JHY: variants seen among roughly 807,000 people sequenced by gnomAD.
JHY encodes the protein jhy protein homolog.
JHY carries 69 observed loss-of-function variants against 78.0 expected under a neutral mutation model. The observed-to-expected ratio is 0.88, with a 90% CI of 0.73 to 1.08. The LOEUF (loss-of-function observed/expected upper bound fraction) is 1.08, where lower values mean the gene tolerates loss of function less well. JHY is among the 50% of genes least tolerant of loss of function. The pLI, the probability that JHY is intolerant of heterozygous loss-of-function variation, is 0.00. For missense variants in JHY, 944 were observed against 927.8 expected (o/e 1.02, Z -0.23); for synonymous variants, 368 against 342.6 (o/e 1.07, Z -0.82).
Position 122,961,069 on chromosome 11 carries a change from A to G in JHY, c.*1624A>G. ...CTAAAGCTGTTGGCAAAGAAGACTC[A>G]TGCACAGCCAGTTATGTAAATGTAT... is the stretch of plus-strand genomic sequence containing the variant. On this transcript the variant is annotated 3_prime_UTR_variant, in exon 9 of 9. Transcript: ENST00000227349. 9.6e-7 allele frequency: 1 copy of G among 1,041,960 alleles called. No homozygotes were observed. 64.5% of individuals were successfully genotyped at this position (1,041,960 alleles called of 1,614,324 possible). A position where few individuals can be genotyped will look rare whatever the true frequency, so the allele number is the denominator to read the frequency against.
At position 122,883,040 on chromosome 11, in the gene JHY, A is replaced by G. The variant is rs1209767229; in HGVS notation, c.-90+68A>G. ...CCGGGGAGGGAAACGGGAAGGGCTTACTGGGGATGGGGACGGCAGGAAACC... is the reference window on the plus strand; with the variant it reads ...CCGGGGAGGGAAACGGGAAGGGCTTGCTGGGGATGGGGACGGCAGGAAACC... On this transcript the variant is annotated intron_variant, in intron 1 of 8. Transcript: ENST00000227349. The surrounding 1 kb of genome is among the most constrained non-coding windows in gnomAD (Gnocchi z 4.4). 1 of 152,946 alleles carries G rather than the reference A, an allele frequency of 6.5e-6. No homozygotes were observed. The highest frequency in any genetic ancestry group is 1.5e-5 in the Non-Finnish European group (1 of 68,128). 9.5% of individuals were successfully genotyped at this position (152,946 alleles called of 1,614,324 possible).
intron 4 of JHY, among the ~76,000 whole-genome samples, chr11:122,928,903 C>T (rs4935823): frequency 0.23 from 35,284 of 151,810 alleles, 4,626 homozygotes; most frequent in Middle Eastern, 0.3. Flanking sequence ...CCGCCTCGGC[C>T]TCCCAAAGTG....
At chr11:122,916,221 C>T (rs986453698) in intron 3 of JHY, among the ~76,000 whole-genome samples, 2 of 152,036 alleles carry the variant, frequency 1.3e-5, no homozygotes, top group East Asian at 3.9e-4. Flanking sequence ...GATAAATACT[C>T]GAGGTGATGG....
chr11:122,923,609 A>G (rs1004288085), intron 3 of JHY, among the ~76,000 whole-genome samples: 10 of 152,236 alleles, frequency 6.6e-5, no homozygotes, highest in Non-Finnish European at 1.5e-4. Flanking sequence ...GGGCCCTTAA[A>G]TAACTTAGGA....
chr11:122,916,248 G>A (rs1273038842), intron 3 of JHY, among the ~76,000 whole-genome samples: 1 of 152,032 alleles, frequency 6.6e-6, no homozygotes, highest in Non-Finnish European at 1.5e-5. Flanking sequence ...CACATATCTT[G>A]TTCAATACAC....
At chr11:122,922,566 C>A (rs978735724) in intron 3 of JHY, among the ~76,000 whole-genome samples, 2 of 151,440 alleles carry the variant, frequency 1.3e-5, no homozygotes, top group African/African-American at 4.9e-5. Context: ...AATCCCAGCA[C>A]TTTGGAGGCC....
chr11:122,952,981 T>TA (rs899906662), intron 6 of JHY, among the ~76,000 whole-genome samples: 1 of 152,228 alleles, frequency 6.6e-6, no homozygotes, highest in African/African-American at 2.4e-5. Flanking sequence ...GTAAAGGTTT[T>TA]AAAATGTGAA....
rs1862971970 is a variant in JHY at position 122,905,600 on chromosome 11, G to A, written c.864+1156G>A. The A allele has an allele frequency of 1.1e-5, 11 of 997,146 alleles. No homozygotes were observed. In the South Asian group the frequency reaches 4.6e-4, roughly 42 times the overall value. The allele number at this position is 997,146 out of a possible 1,614,324, so 61.8% of individuals were successfully genotyped here. On this transcript the variant is annotated intron_variant, in intron 3 of 8. Coordinates refer to ENST00000227349, the MANE Select transcript of JHY (RefSeq NM_024806.4). ...AAGAATTACGTCTGGTGGCACGTTG[G>A]CTCATGCCTGTAATCCCAGCACTTT...
At chr11:122,933,580 T>C (rs900286540) in intron 4 of JHY, among the ~76,000 whole-genome samples, 5 of 152,208 alleles carry the variant, frequency 3.3e-5, no homozygotes, top group Non-Finnish European at 7.3e-5. Flanking sequence ...TTCCCCCAGA[T>C]GTTTGATTGC....
At chr11:122,897,581 G>T (rs868608326) in intron 2 of JHY, among the ~76,000 whole-genome samples, 1 of 152,354 alleles carries the variant, frequency 6.6e-6, no homozygotes, top group Middle Eastern at 3.4e-3. Context: ...AAGCACAGAA[G>T]TTAAATAACT....
At chr11:122,927,102 C>T (rs1863524328) in intron 4 of JHY, 1 of 152,164 alleles carries the variant, frequency 6.6e-6, no homozygotes, top group South Asian at 2.1e-4. Flanking sequence ...TAACTGAAAA[C>T]TTTTCCTAAT....
chr11:122,954,356 TTTG>T (rs1421577909), intron 6 of JHY, among the ~76,000 whole-genome samples: 1 of 152,054 alleles, frequency 6.6e-6, no homozygotes, highest in African/African-American at 2.4e-5. Flanking sequence ...GAGGAGAATG[TTTG>T]TCTTTTGAAC....
rs140293749 is a variant in JHY at position 122,894,833 on chromosome 11, G to T, written c.344+8640G>T. Among the ~76,000 whole-genome samples the T allele has an allele frequency of 4.4e-3, 665 of 152,020 alleles. 8 individuals are homozygous for T. The highest frequency in any genetic ancestry group is 4.8e-3 in the Admixed American group (74 of 15,262). ...AATAAAATTCACTAAATAACAATCCGGCCTCTTTAGTGTGTTCCTATAGAC... is the reference window on the plus strand; with the variant it reads ...AATAAAATTCACTAAATAACAATCCTGCCTCTTTAGTGTGTTCCTATAGAC... On this transcript the variant is annotated intron_variant, in intron 2 of 8. Transcript: ENST00000227349.
chr11:122,897,680 T>G (rs975503219), intron 2 of JHY, among the ~76,000 whole-genome samples: 1 of 152,198 alleles, frequency 6.6e-6, no homozygotes, highest in Admixed American at 6.5e-5. Context: ...GTACCATTTC[T>G]CAGAACCAAA....
rs1863701794 is a variant in JHY, at chr11:122,934,356, T to TAAA, written c.979-62_979-60dup. On this transcript the variant is annotated intron_variant, in intron 4 of 8. Transcript: ENST00000227349. The stretch of plus-strand genomic sequence containing the variant: ...AATAAATAAATAAATAAATAAATAA[T>TAAA]AAAATAAAATTTGTGAAGAGTGCCA... 23 of 727,196 alleles carry TAAA rather than the reference T, an allele frequency of 3.2e-5. No homozygotes were observed. In the East Asian group the frequency reaches 8.5e-4, roughly 27 times the overall value. The allele number at this position is 727,196 out of a possible 1,614,324, so 45.0% of individuals were successfully genotyped here.
chr11:122,892,549 T>C (rs1052133138), intron 2 of JHY, among the ~76,000 whole-genome samples: 3 of 152,062 alleles, frequency 2.0e-5, no homozygotes, highest in Non-Finnish European at 4.4e-5. Context: ...GTCTTGATCT[T>C]CTGACCTCGT....
rs568191002 is a variant in JHY, at chr11:122,963,681, T to C, written c.*4236T>C. Among the ~76,000 whole-genome samples the C allele has an allele frequency of 2.3e-4, 35 of 151,352 alleles. No homozygotes were observed. The highest frequency in any genetic ancestry group is 8.1e-4 in the African/African-American group (33 of 40,740). ...ATCAGTGATCAATTCATAGCATTTC[T>C]GTTTCAAATATTCAAAAGCAAAAAA... is the stretch of plus-strand genomic sequence containing the variant. On this transcript the variant is annotated 3_prime_UTR_variant, in exon 9 of 9. Coordinates refer to ENST00000227349, the MANE Select transcript of JHY (RefSeq NM_024806.4).
intron 3 of JHY, among the ~76,000 whole-genome samples, chr11:122,921,180 G>A (rs1056258421): frequency 2.0e-5 from 3 of 152,144 alleles, no homozygotes; most frequent in Non-Finnish European, 4.4e-5. Flanking sequence ...GGGAAATAAT[G>A]TATATCCTAC....
rs1862928271 is a variant in JHY at position 122,904,157 on chromosome 11, A to G, written c.577A>G (p.Ser193Gly). ...ACAGAGTGCAGCTTCTTTACTTGGT[A>G]GTGAATTTTTAAGCCCAAACTATGA... ...SPQSAASLLG[S>G]EFLSPNYEHG... The change falls in exon 3 of 9, where the codon AGT becomes GGT. Residue 193 changes from serine to glycine, a missense_variant. By Grantham distance (56) the Ser-to-Gly change is moderately conservative. Transcript: ENST00000227349. 1.2e-6 allele frequency: 2 copies of G among 1,614,148 alleles called. No individual in the cohort carries two copies. Among genetic ancestry groups the G allele is most frequent in the Non-Finnish European group, 1.7e-6 (2 of 1,180,004 alleles).
Sources: gnomAD v4.1 joint callset for allele counts (sites outside exome capture counted in the v4.1 genomes callset) on GRCh38, gnomAD v4.1.1 for gene constraint, Gnocchi (gnomAD v3.1) non-coding constraint, MANE v1.5 for transcripts, NCBI Gene and HGNC (gene_info 2026-07-23, HGNC 2026-07-21) for gene names.